The following CNGB1 variants were observed in gnomAD, a reference collection of about 807,000 sequenced individuals.
CNGB1 encodes cyclic nucleotide-gated channel beta-1.
Under a neutral mutation model 151.7 loss-of-function variants are expected in CNGB1, and 126 were observed. That is an observed-to-expected ratio of 0.83 (90% CI 0.72 to 0.96). CNGB1 has a LOEUF of 0.96. Among genes scored for constraint, CNGB1 ranks in the 40% least tolerant of loss-of-function variants. The probability of loss-of-function intolerance (pLI) is 0.00; values close to 1 mark genes in which losing one functional copy is unlikely to be tolerated. For synonymous variants in CNGB1, 623 were observed against 635.1 expected (o/e 0.98, Z 0.29); for missense variants, 1,698 against 1,627.0 (o/e 1.04, Z -0.75).
At chr16:57,935,756 C>CTT (rs71385136) in intron 16 of CNGB1, among the ~76,000 whole-genome samples, 3,928 of 146,440 alleles carry the variant, frequency 0.027, 181 homozygotes, top group African/African-American at 0.093. Flanking sequence ...TTTCCTTTTT[C>CTT]TTTTTTTTTT....
In CNGB1 at chr16:57,915,170, G is replaced by T. The variant is rs552312542; in HGVS notation, c.2304+79C>A. On this transcript the variant is annotated intron_variant, in intron 23 of 32. Transcript: ENST00000251102. ...GAACTCCCCTCCCCAGTGCTGCTGG[G>T]GGCAGACACGAAGATGCCAGTGTCG... is the stretch of plus-strand genomic sequence containing the variant. 3.7e-4 allele frequency: 437 copies of T among 1,168,772 alleles called. 1 individual carries two copies. The African/African-American group carries it at 5.2e-3, about 14-fold the overall frequency. 72.4% of individuals were successfully genotyped at this position (1,168,772 alleles called of 1,614,324 possible). A position where few individuals can be genotyped will look rare whatever the true frequency, so the allele number is the denominator to read the frequency against.
intron 27 of CNGB1, among the ~76,000 whole-genome samples, chr16:57,903,373 T>C (rs1182799661): frequency 6.6e-6 from 1 of 151,540 alleles, no homozygotes; most frequent in African/African-American, 2.4e-5. Context: ...ATGCCTGTAA[T>C]CCCAGCTATT....
intron 2 of CNGB1, 25 bp downstream of exon 2, chr16:57,967,103 C>G (rs1401444858): frequency 6.2e-7 from 1 of 1,613,902 alleles, no homozygotes; most frequent in African/African-American, 1.3e-5. Context: ...GGCCGGCCTG[C>G]CCCTCCTCCC....
intron 14 of CNGB1, among the ~76,000 whole-genome samples, chr16:57,947,219 A>T (rs560492596): frequency 6.6e-6 from 1 of 152,368 alleles, no homozygotes; most frequent in East Asian, 1.9e-4. Context: ...GTTAGTACAC[A>T]TCTGCACATG....
chr16:57,890,986 A>G (rs1322973906), intron 31 of CNGB1, among the ~76,000 whole-genome samples: 1 of 152,156 alleles, frequency 6.6e-6, no homozygotes, highest in Non-Finnish European at 1.5e-5. Context: ...CAGCCTTCTC[A>G]GTGTGGACAC....
At chr16:57,945,300 G>A (rs1961779045) in intron 14 of CNGB1, among the ~76,000 whole-genome samples, 1 of 152,224 alleles carries the variant, frequency 6.6e-6, no homozygotes, top group Non-Finnish European at 1.5e-5. Flanking sequence ...CTGCAAGGGG[G>A]ATGACTGGAT....
chr16:57,917,414 T>A lies in CNGB1; in HGVS notation c.2020A>T (p.Ile674Phe), dbSNP rs775850010. 3 of 1,614,064 alleles carry A rather than the reference T, an allele frequency of 1.9e-6. No homozygotes were observed. The South Asian group carries it at 3.3e-5, about 18-fold the overall frequency. Residue 674 changes from isoleucine (I) to phenylalanine (F), a missense_variant, in exon 21 of 33, where the codon ATT (isoleucine) becomes TTT (phenylalanine). Coordinates refer to ENST00000251102, the MANE Select transcript of CNGB1 (RefSeq NM_001297.5). ...VMAWNWNCWL[I>F]PVRWAFPYQT... ...TAGGGGAAGGCCCAGCGCACGGGAATCAGCCAACAGTTCCAATTCCAGGCC... is the reference window on the plus strand; with the variant it reads ...TAGGGGAAGGCCCAGCGCACGGGAAACAGCCAACAGTTCCAATTCCAGGCC...
intron 18 of CNGB1, 116 bp from the exon 19 acceptor site, chr16:57,920,660 G>T: frequency 7.9e-7 from 1 of 1,266,004 alleles, no homozygotes; most frequent in Non-Finnish European, 1.1e-6. Context: ...AAGGAGGTAA[G>T]TCCTGCCCCC....
At chr16:57,962,748 C>T in intron 6 of CNGB1, 94 bp downstream of exon 6, 1 of 1,586,580 alleles carries the variant, frequency 6.3e-7, no homozygotes, top group Non-Finnish European at 8.6e-7. Flanking sequence ...AAGATCCAGC[C>T]TGGGCAGAGG....
At chr16:57,900,859 GA>G (rs1371531487) in intron 29 of CNGB1, among the ~76,000 whole-genome samples, 624 of 145,764 alleles carry the variant, frequency 4.3e-3, no homozygotes, top group Non-Finnish European at 4.9e-3. Context: ...TTAAAAATTA[GA>G]AAAAAAAAAA....
At chr16:57,922,089 CA>C (rs1221431600) in intron 18 of CNGB1, among the ~76,000 whole-genome samples, 15 of 152,308 alleles carry the variant, frequency 9.8e-5, no homozygotes, top group African/African-American at 3.4e-4. Context: ...CTGCAGTGGG[CA>C]ACTGGACTGA....
intron 27 of CNGB1, 78 bp downstream of exon 27, chr16:57,903,722 GACACAGAGGACGAGGGAGGCGC>G: frequency 1.4e-6 from 2 of 1,392,932 alleles, no homozygotes; most frequent in Non-Finnish European, 2.0e-6. Flanking sequence ...GGACCTCAGA[GACACAGAGGACGAGGGAGGCGC>G]CCCGAAGGCA....
chr16:57,919,196 T>C lies in CNGB1; in HGVS notation c.1860A>G (p.Pro620=). The C allele has an allele frequency of 6.2e-7, 1 of 1,614,240 alleles. No homozygotes were observed. The highest frequency in any genetic ancestry group is 1.1e-5 in the South Asian group (1 of 91,084). Residue 620 remains proline, a synonymous_variant, in exon 20 of 33, where the codon CCA becomes CCG. Coordinates refer to ENST00000251102, the MANE Select transcript of CNGB1 (RefSeq NM_001297.5). ...TGTCGCAATAGTGCTCCTCTTCCAC[T>C]GGCTCGGCTTCAGCGGGCTTTGTGT... is the stretch of plus-strand genomic sequence containing the variant. ...APDTKPAEAE[P]VEEEHYCDML...
chr16:57,917,298 G>C lies in CNGB1; in HGVS notation c.2136C>G (p.Arg712=), dbSNP rs1357921223. The C allele has an allele frequency of 1.2e-5, 19 of 1,614,044 alleles. No individual in the cohort carries two copies. Among genetic ancestry groups the C allele is most frequent in the African/African-American group, 5.3e-5 (4 of 74,986 alleles). The change falls in exon 21 of 33, where the codon CGC becomes CGG. Residue 712 remains arginine (R), a synonymous_variant. Transcript: ENST00000251102. ...YFLDITVFQT[R]LQFVRGGDII... ...TGTCCCCGCCTCTGACAAACTGCAG[G>C]CGTGTCTGGAACACGGTGATGTCCA...
At chr16:57,956,939 GC>G (rs1275781833) in intron 12 of CNGB1, among the ~76,000 whole-genome samples, 1 of 152,162 alleles carries the variant, frequency 6.6e-6, no homozygotes, top group Non-Finnish European at 1.5e-5. Context: ...AGGCTGTGGA[GC>G]CTGGTTCTCC....
intron 7 of CNGB1, among the ~76,000 whole-genome samples, chr16:57,961,631 G>GGAAT (rs10533777): frequency 0.17 from 24,885 of 150,808 alleles, 2,297 homozygotes; most frequent in Admixed American, 0.29. Flanking sequence ...GCTGCAGCAA[G>GGAAT]GAATGAATGA....
intron 12 of CNGB1, among the ~76,000 whole-genome samples, chr16:57,953,856 C>T (rs1373150344): frequency 6.6e-6 from 1 of 151,704 alleles, no homozygotes; most frequent in Non-Finnish European, 1.5e-5. Flanking sequence ...ATAACCATTG[C>T]TTGGTCATCA....
intron 17 of CNGB1, among the ~76,000 whole-genome samples, chr16:57,925,029 G>A (rs1411546192): frequency 1.3e-5 from 2 of 152,086 alleles, no homozygotes; most frequent in African/African-American, 4.8e-5. Context: ...TTGAGATGGA[G>A]TCTTGCTCTG....
At position 57,911,768 on chromosome 16, in the gene CNGB1, T is replaced by C. The variant is rs1301888094; in HGVS notation, c.2477A>G (p.Asp826Gly). Residue 826 changes from aspartate to glycine, a missense_variant, in exon 25 of 33, where the codon GAT (aspartate) becomes GGT (glycine). Physicochemically the swap from Asp to Gly is moderately conservative, Grantham distance 94 (BLOSUM62 -1). Coordinates refer to ENST00000251102, the MANE Select transcript of CNGB1 (RefSeq NM_001297.5). ...QGLGSTHWVY[D>G]GVGNSYIRCY... ...TGTGGCTCACCTGTTTCCCACGCCATCGTAAACCCAGTGAGTGGAGCCGAG... is the reference window on the plus strand; with the variant it reads ...TGTGGCTCACCTGTTTCCCACGCCACCGTAAACCCAGTGAGTGGAGCCGAG... 1.2e-5 allele frequency: 20 copies of C among 1,613,806 alleles called. No homozygotes were observed. Among genetic ancestry groups the C allele is most frequent in the Non-Finnish European group, 1.6e-5 (19 of 1,179,898 alleles).
Sources: allele counts gnomAD v4.1 joint callset (sites outside exome capture counted in the v4.1 genomes callset), GRCh38; gene constraint gnomAD v4.1.1; transcripts MANE v1.5; gene names NCBI Gene and HGNC (gene_info 2026-07-23, HGNC 2026-07-21).